The following TRDN variants were observed in gnomAD, a reference collection of about 807,000 sequenced individuals.
The protein encoded by TRDN is triadin in skeletal muscle.
A neutral mutation model predicts 149.7 loss-of-function variants in TRDN; 161 were observed. The observed-to-expected ratio is 1.08, with a 90% confidence interval of 0.95 to 1.23. The LOEUF (loss-of-function observed/expected upper bound fraction) is 1.23. TRDN is among the 50% of genes most tolerant of loss of function. TRDN has a pLI of 0.00. For missense variants in TRDN, 896 were observed against 823.5 expected (o/e 1.09, Z -1.08); for synonymous variants, 294 against 250.5 (o/e 1.17, Z -1.64).
intron 8 of TRDN, chr6:123,502,291 T>A: frequency 1.1e-6 from 1 of 872,912 alleles, no homozygotes; most frequent in South Asian, 5.3e-5. Context: ...TACCAAAATA[T>A]TTCATTAATG....
At position 123,273,344 on chromosome 6, in the gene TRDN, T is replaced by C; in HGVS notation, c.1617A>G (p.Gln539=). 9.5e-7 allele frequency: 1 copy of C among 1,053,044 alleles called. No homozygotes were observed. The highest frequency in any genetic ancestry group is 1.7e-5 in the South Asian group (1 of 59,162). The allele number at this position is 1,053,044 out of a possible 1,614,324, so 65.2% of individuals were successfully genotyped here. A position where few individuals can be genotyped will look rare whatever the true frequency, so the allele number is the denominator to read the frequency against. ...GATAAAATTAATACATACTGTGTATTTGCACTTTTTCAGATATAGCTAAAA... is the reference window on the plus strand; with the variant it reads ...GATAAAATTAATACATACTGTGTATCTGCACTTTTTCAGATATAGCTAAAA... ...EAKPAISEKV[Q]IHKQDIVKPE... is the part of the protein sequence containing the mutation. Residue 539 remains glutamine, a synonymous_variant, in exon 28 of 41, where the codon CAA becomes CAG. Transcript: ENST00000334268.
In TRDN at chr6:123,286,506, T is replaced by G. The variant is rs1440125105; in HGVS notation, c.1511-7424A>C. Among the ~76,000 whole-genome samples, 3 of 151,966 alleles carry G rather than the reference T, an allele frequency of 2.0e-5. No homozygotes were observed. In the East Asian group the frequency reaches 5.8e-4, roughly 29 times the overall value. ...ATGCAATGGCATAAGAATGAAACAA[T>G]GCATTTTGGGGACCAGTTTGAAAGG... On this transcript the variant is annotated intron_variant, in intron 24 of 40. Transcript: ENST00000334268.
At chr6:123,372,682 T>C (rs1326780618) in intron 19 of TRDN, among the ~76,000 whole-genome samples, 1 of 152,122 alleles carries the variant, frequency 6.6e-6, no homozygotes, top group Non-Finnish European at 1.5e-5. Flanking sequence ...TGTGGTCACA[T>C]ATATTTGGTA....
chr6:123,470,832 G>C (rs923334863), intron 9 of TRDN: 16 of 152,176 alleles, frequency 1.1e-4, no homozygotes, highest in Admixed American at 9.2e-4. Flanking sequence ...AATAACCCAA[G>C]CTGGCTTGGA....
At chr6:123,338,044 G>C (rs901805501) in intron 21 of TRDN, among the ~76,000 whole-genome samples, 1 of 152,086 alleles carries the variant, frequency 6.6e-6, no homozygotes, top group African/African-American at 2.4e-5. Flanking sequence ...GAGGTATATA[G>C]GTTCTGTTAT....
At chr6:123,586,332 C>G (rs953349831) in intron 1 of TRDN, among the ~76,000 whole-genome samples, 2 of 151,812 alleles carry the variant, frequency 1.3e-5, no homozygotes, top group African/African-American at 4.8e-5. Context: ...GGACCTAGCT[C>G]GGCCTGGCGA....
chr6:123,284,234 T>A (rs1483079121), intron 24 of TRDN, among the ~76,000 whole-genome samples: 1 of 150,726 alleles, frequency 6.6e-6, no homozygotes, highest in African/African-American at 2.4e-5. Flanking sequence ...AGATCAATAT[T>A]CTTGATTAAC....
intron 38 of TRDN, among the ~76,000 whole-genome samples, chr6:123,230,355 G>A (rs1228492190): frequency 2.6e-5 from 4 of 151,854 alleles, no homozygotes; most frequent in Non-Finnish European, 5.9e-5. Context: ...CTTGGACATA[G>A]GAAGGGGAAC....
intron 24 of TRDN, among the ~76,000 whole-genome samples, chr6:123,298,024 GA>G (rs1326078985): frequency 6.6e-6 from 1 of 151,822 alleles, no homozygotes; most frequent in African/African-American, 2.4e-5. Context: ...TCATAGGCTT[GA>G]AAAATATTTT....
chr6:123,219,560 A>C (rs527783588), intron 40 of TRDN, among the ~76,000 whole-genome samples: 15 of 151,964 alleles, frequency 9.9e-5, no homozygotes, highest in African/African-American at 3.6e-4. Flanking sequence ...AATCCATATG[A>C]GACTAGGGGT....
At chr6:123,532,163 T>C (rs1040571852) in intron 4 of TRDN, among the ~76,000 whole-genome samples, 1 of 152,100 alleles carries the variant, frequency 6.6e-6, no homozygotes, top group Non-Finnish European at 1.5e-5. Flanking sequence ...AGATGTGCTG[T>C]AAGTATAAAA....
chr6:123,458,105 G>A (rs1273026797), intron 10 of TRDN, among the ~76,000 whole-genome samples: 3 of 152,172 alleles, frequency 2.0e-5, no homozygotes, highest in Non-Finnish European at 4.4e-5. Flanking sequence ...AAGAGTAGAT[G>A]AGCATAATTT....
At chr6:123,449,470 C>T (rs1023198684) in intron 10 of TRDN, among the ~76,000 whole-genome samples, 1 of 152,038 alleles carries the variant, frequency 6.6e-6, no homozygotes, top group Non-Finnish European at 1.5e-5. Flanking sequence ...GAAAGAAATT[C>T]AGAGCTCTAA....
chr6:123,516,880 T>C (rs901810848), intron 5 of TRDN, among the ~76,000 whole-genome samples: 13 of 152,124 alleles, frequency 8.5e-5, no homozygotes, highest in African/African-American at 1.2e-4. Context: ...CTTATATTTT[T>C]CCTTTTCATT....
chr6:123,328,873 T>C (rs1422500583), intron 23 of TRDN, among the ~76,000 whole-genome samples: 1 of 152,210 alleles, frequency 6.6e-6, no homozygotes, highest in Non-Finnish European at 1.5e-5. Context: ...TCAGCAATTC[T>C]GTTTAAGGAT....
At chr6:123,293,689 T>G (rs938483979) in intron 24 of TRDN, among the ~76,000 whole-genome samples, 1 of 152,174 alleles carries the variant, frequency 6.6e-6, no homozygotes, top group African/African-American at 2.4e-5. Flanking sequence ...CTTCTGTTTG[T>G]GCCCCCTCTG....
intron 8 of TRDN, among the ~76,000 whole-genome samples, chr6:123,499,520 A>G (rs1307295797): frequency 1.3e-5 from 2 of 150,786 alleles, no homozygotes; most frequent in East Asian, 2.0e-4. Flanking sequence ...CCTAGCCAGC[A>G]TAGTGAAACC....
rs112158151 is a variant in TRDN at position 123,586,340 on chromosome 6, C to T, written c.23-15208G>A. ...AGAATTGGGACCTAGCTCGGCCTGG[C>T]GAGGAGGGGAGAGGTCAGATGTGTC... On this transcript the variant is annotated intron_variant, in intron 1 of 40. Transcript: ENST00000334268. 4.9e-3 allele frequency among the ~76,000 whole-genome samples: 747 copies of T among 150,996 alleles called. 2 individuals are homozygous for T. The highest frequency in any genetic ancestry group is 0.016 in the African/African-American group (666 of 41,192).
intron 7 of TRDN, among the ~76,000 whole-genome samples, chr6:123,506,914 T>C (rs1034480933): frequency 6.6e-5 from 10 of 152,214 alleles, no homozygotes; most frequent in African/African-American, 2.2e-4. Context: ...GTTTGATCTA[T>C]CTGTCTTCCC....
Sources: gnomAD v4.1 joint callset for allele counts (sites outside exome capture counted in the v4.1 genomes callset) on GRCh38, gnomAD v4.1.1 for gene constraint, MANE v1.5 for transcripts, NCBI Gene and HGNC (gene_info 2026-07-23, HGNC 2026-07-21) for gene names.